Variants in KCNJ6 observed in about 807,000 individuals in gnomAD.
The protein encoded by KCNJ6 is potassium inwardly rectifying channel subfamily J member 6.
A neutral mutation model predicts 34.2 loss-of-function variants in KCNJ6; 9 were observed. The observed-to-expected ratio is 0.26, with a 90% CI of 0.16 to 0.46. KCNJ6 has a LOEUF of 0.46. Among genes scored for constraint, KCNJ6 ranks in the 20% least tolerant of loss-of-function variants. The probability of loss-of-function intolerance (pLI) is 1.00; values close to 1 mark genes in which losing one functional copy is unlikely to be tolerated. For synonymous variants in KCNJ6, 196 were observed against 207.1 expected (o/e 0.95, Z 0.46); for missense variants, 236 against 531.3 (o/e 0.44, Z 5.46).
At chr21:37,699,190 T>C (rs2054677921) in intron 3 of KCNJ6, among the ~76,000 whole-genome samples, 1 of 152,214 alleles carries the variant, frequency 6.6e-6, no homozygotes, top group Non-Finnish European at 1.5e-5. Context: ...ATCCTTGCTC[T>C]AAAATACCAG....
intron 3 of KCNJ6, among the ~76,000 whole-genome samples, chr21:37,687,397 C>T (rs920575037): frequency 2.6e-5 from 4 of 152,116 alleles, no homozygotes; most frequent in East Asian, 1.9e-4. Flanking sequence ...CACAAGCAGA[C>T]GGCACTGGGT....
chr21:37,907,004 A>C (rs2123650804), intron 1 of KCNJ6, among the ~76,000 whole-genome samples: 1 of 152,266 alleles, frequency 6.6e-6, no homozygotes, highest in South Asian at 2.1e-4. Context: ...TCTTGAGAGG[A>C]GGAATTATAT....
In KCNJ6 at chr21:37,715,207, G is replaced by A. The variant is rs2054784045; in HGVS notation, c.26-76C>T. On this transcript the variant is annotated intron_variant, in intron 2 of 3. Transcript: ENST00000609713. ...TGAGGACAATGGAACGGCACACTTT[G>A]TATGGGCTGGTGAAACCAAATACCA... The A allele has an allele frequency of 3.9e-6, 5 of 1,267,528 alleles. No individual in the cohort carries two copies. The Middle Eastern group carries it at 7.6e-4, about 194-fold the overall frequency. The allele number at this position is 1,267,528 out of a possible 1,614,324, so 78.5% of individuals were successfully genotyped here.
intron 2 of KCNJ6, among the ~76,000 whole-genome samples, chr21:37,727,361 G>T (rs1398479370): frequency 6.6e-6 from 1 of 152,140 alleles, no homozygotes; most frequent in Non-Finnish European, 1.5e-5. Flanking sequence ...GTGGGTTAAG[G>T]AGTGACTCAC....
At chr21:37,729,555 C>T (rs1412152833) in intron 2 of KCNJ6, among the ~76,000 whole-genome samples, 1 of 152,184 alleles carries the variant, frequency 6.6e-6, no homozygotes, top group African/African-American at 2.4e-5. Context: ...AACTCCTGAG[C>T]TCAAGCGATT....
At chr21:37,691,829 G>A (rs80070205) in intron 3 of KCNJ6, among the ~76,000 whole-genome samples, 13 of 152,116 alleles carry the variant, frequency 8.5e-5, no homozygotes, top group Admixed American at 1.3e-4. Context: ...GGCAGGCCCC[G>A]CTAAGTTAAA....
At chr21:37,890,528 T>C (rs1018182404) in intron 1 of KCNJ6, among the ~76,000 whole-genome samples, 1 of 152,166 alleles carries the variant, frequency 6.6e-6, no homozygotes, top group African/African-American at 2.4e-5. Flanking sequence ...TTTCGTGGCC[T>C]CCTGTTGCCC....
chr21:37,634,069 T>A (rs2054345962), intron 3 of KCNJ6, among the ~76,000 whole-genome samples: 1 of 152,218 alleles, frequency 6.6e-6, no homozygotes, highest in Admixed American at 6.5e-5. Context: ...AGTATGGACA[T>A]GTGCAACAGG....
chr21:37,812,522 A>T (rs1405584438), intron 2 of KCNJ6, among the ~76,000 whole-genome samples: 2 of 152,186 alleles, frequency 1.3e-5, no homozygotes, highest in African/African-American at 2.4e-5. Flanking sequence ...CCTCAACAAA[A>T]CACTAGTTAA....
At chr21:37,804,306 C>T (rs1018157681) in intron 2 of KCNJ6, among the ~76,000 whole-genome samples, 2 of 152,140 alleles carry the variant, frequency 1.3e-5, no homozygotes, top group African/African-American at 4.8e-5. Context: ...ATTGAATTAC[C>T]ACATGACCCA....
At chr21:37,630,132 C>CTGTGTGTGTG (rs367573192) in intron 3 of KCNJ6, among the ~76,000 whole-genome samples, 1 of 44,358 alleles carries the variant, frequency 2.3e-5, no homozygotes, top group African/African-American at 1.1e-4. Context: ...AAGATGACAT[C>CTGTGTGTGTG]TCTGTGTGTG....
chr21:37,815,877 T>A (rs2055344372), intron 2 of KCNJ6, among the ~76,000 whole-genome samples: 1 of 152,208 alleles, frequency 6.6e-6, no homozygotes, highest in Non-Finnish European at 1.5e-5. Flanking sequence ...CGAGGCCAGA[T>A]GTACGTCCCT....
chr21:37,762,190 C>T (rs1479766633), intron 2 of KCNJ6, among the ~76,000 whole-genome samples: 1 of 152,116 alleles, frequency 6.6e-6, no homozygotes, highest in Non-Finnish European at 1.5e-5. Flanking sequence ...GTAGACAGGC[C>T]AGGCCCATCT....
intron 3 of KCNJ6, among the ~76,000 whole-genome samples, chr21:37,687,612 A>G (rs858014): frequency 0.15 from 23,364 of 151,984 alleles, 2,008 homozygotes; most frequent in East Asian, 0.39. Context: ...TCACTGTCAG[A>G]CTTGCCTCTT....
rs915193358 is a variant in KCNJ6, at chr21:37,859,035, C to T, written c.-27-18326G>A. On this transcript the variant is annotated intron_variant, in intron 1 of 3. Coordinates refer to ENST00000609713, the MANE Select transcript of KCNJ6 (RefSeq NM_002240.5). ...AGAAGAACAAAATGAAACTCTCATT[C>T]TACCGAATTTACAAAATTGCAAATT... Among the ~76,000 whole-genome samples, 8 of 152,154 alleles carry T rather than the reference C, an allele frequency of 5.3e-5. 1 individual carries two copies. The highest frequency in any genetic ancestry group is 4.6e-4 in the Admixed American group (7 of 15,270).
chr21:37,873,510 C>G (rs2055662702), intron 1 of KCNJ6, among the ~76,000 whole-genome samples: 2 of 152,192 alleles, frequency 1.3e-5, no homozygotes. Context: ...TAAACCAGCT[C>G]TCTAAACACA....
intron 3 of KCNJ6, among the ~76,000 whole-genome samples, chr21:37,665,256 CAG>C (rs2054508686): frequency 1.3e-5 from 2 of 152,174 alleles, no homozygotes; most frequent in South Asian, 4.1e-4. Context: ...ATTAAATAAA[CAG>C]TAACTATTAT....
At chr21:37,709,518 A>AGAAAAG (rs1556022464) in intron 3 of KCNJ6, among the ~76,000 whole-genome samples, 3 of 145,796 alleles carry the variant, frequency 2.1e-5, no homozygotes, top group African/African-American at 7.4e-5. Context: ...CTGTCTCAAA[A>AGAAAAG]AAAAGAAAAG....
chr21:37,849,904 CCT>C (rs1290233125), intron 1 of KCNJ6, among the ~76,000 whole-genome samples: 1 of 152,116 alleles, frequency 6.6e-6, no homozygotes, highest in Non-Finnish European at 1.5e-5. Flanking sequence ...AGGATGAATT[CCT>C]CTGTTTCCAA....
Sources: allele counts gnomAD v4.1 joint callset (sites outside exome capture counted in the v4.1 genomes callset), GRCh38; gene constraint gnomAD v4.1.1; transcripts MANE v1.5; gene names NCBI Gene and HGNC (gene_info 2026-07-23, HGNC 2026-07-21).